The following MCTP1 variants were observed in gnomAD, a reference collection of about 807,000 sequenced individuals.
MCTP1 encodes the protein multiple C2 and transmembrane domain-containing protein 1.
In MCTP1, 69 loss-of-function variants were observed where a neutral mutation model predicts 120.6. That is an observed-to-expected ratio of 0.57 (90% CI 0.47 to 0.70). The LOEUF is 0.70. MCTP1 is among the 30% of genes least tolerant of loss of function. The probability of loss-of-function intolerance (pLI) is 0.00; values close to 1 mark genes in which losing one functional copy is unlikely to be tolerated. For missense variants in MCTP1, 1,203 were observed against 1,248.8 expected (o/e 0.96, Z 0.55); for synonymous variants, 529 against 493.1 (o/e 1.07, Z -0.96).
At chr5:95,035,421 C>T (rs374735204) in intron 1 of MCTP1, among the ~76,000 whole-genome samples, 12 of 152,052 alleles carry the variant, frequency 7.9e-5, no homozygotes, top group African/African-American at 2.9e-4. Context: ...TTTGCAGCAA[C>T]ACGGATGCAG....
chr5:95,095,683 T>A (rs552867063), intron 1 of MCTP1, among the ~76,000 whole-genome samples: 1 of 152,308 alleles, frequency 6.6e-6, no homozygotes, highest in East Asian at 1.9e-4. Context: ...ATTCTTTCAG[T>A]CACTTATATT....
intron 1 of MCTP1, among the ~76,000 whole-genome samples, chr5:95,132,735 C>A (rs1434441772): frequency 1.3e-5 from 2 of 152,220 alleles, no homozygotes; most frequent in Non-Finnish European, 2.9e-5. Flanking sequence ...TTCCTCGGGG[C>A]AGCCTTCTCT....
At chr5:95,064,081 T>A (rs1335352944) in intron 1 of MCTP1, among the ~76,000 whole-genome samples, 5 of 152,246 alleles carry the variant, frequency 3.3e-5, no homozygotes, top group African/African-American at 7.2e-5. Flanking sequence ...CAAACTATAA[T>A]TCGTGTCTTA....
At chr5:94,758,732 C>T (rs1021426149) in intron 19 of MCTP1, among the ~76,000 whole-genome samples, 2 of 152,098 alleles carry the variant, frequency 1.3e-5, no homozygotes. Flanking sequence ...AAGTGACTCC[C>T]ACCTGGATAA....
rs750056838 is a variant in MCTP1, at chr5:95,246,352, G to A, written c.720+37504C>T. Among the ~76,000 whole-genome samples, 78 of 151,970 alleles carry A rather than the reference G, an allele frequency of 5.1e-4. 1 individual carries two copies. Among genetic ancestry groups the A allele is most frequent in the Non-Finnish European group, 8.2e-4 (56 of 67,986 alleles). On this transcript the variant is annotated intron_variant, in intron 1 of 22. Coordinates refer to ENST00000515393, the MANE Select transcript of MCTP1 (RefSeq NM_024717.7). ...ATGTTAACCTTAAATGTAAATGGAC[G>A]AAATGCCCCAATTAAAAGACATAAA...
At chr5:94,724,853 G>T (rs1761778192) in intron 19 of MCTP1, among the ~76,000 whole-genome samples, 1 of 152,046 alleles carries the variant, frequency 6.6e-6, no homozygotes, top group African/African-American at 2.4e-5. Context: ...CAGAAGTTCT[G>T]CTTTCAGATG....
At chr5:95,215,044 C>A (rs1242097465) in intron 1 of MCTP1, among the ~76,000 whole-genome samples, 2 of 152,144 alleles carry the variant, frequency 1.3e-5, no homozygotes, top group Admixed American at 6.5e-5. Context: ...CATCTCAGAT[C>A]AAGAAAGTCT....
intron 1 of MCTP1, among the ~76,000 whole-genome samples, chr5:95,201,502 T>G (rs1164143094): frequency 0.01 from 387 of 37,014 alleles, 22 homozygotes; most frequent in South Asian, 0.05. Flanking sequence ...TTTTTTTTTT[T>G]TTTTTTTTTT....
At position 94,826,832 on chromosome 5, in the gene MCTP1, C is replaced by G. The variant is rs143696545; in HGVS notation, c.2437-27700G>C. 133 of 248,464 alleles carry G rather than the reference C, an allele frequency of 5.4e-4. 2 individuals carry two copies. The East Asian group carries it at 9.2e-3, about 17-fold the overall frequency. The allele number at this position is 248,464 out of a possible 1,614,324, so 15.4% of individuals were successfully genotyped here. ...GCTTTTCATTTGCTTGGTAAATCTT[C>G]CTCCATCCCTTTATTTTGAGCCTGT... is the stretch of plus-strand genomic sequence containing the variant. On this transcript the variant is annotated intron_variant, in intron 17 of 22. Transcript: ENST00000515393.
At chr5:94,716,264 C>T (rs770524565) in intron 19 of MCTP1, among the ~76,000 whole-genome samples, 16 of 152,114 alleles carry the variant, frequency 1.1e-4, no homozygotes, top group African/African-American at 3.1e-4. Context: ...TTAGACGAGA[C>T]GCATAAAGCT....
chr5:95,092,663 CAATTAA>C (rs1755936932), intron 1 of MCTP1, among the ~76,000 whole-genome samples: 1 of 145,992 alleles, frequency 6.8e-6, no homozygotes, highest in South Asian at 2.2e-4. Flanking sequence ...TATTATGAGT[CAATTAA>C]AATTAATAAT....
chr5:95,274,526 C>G (rs1396879086), intron 1 of MCTP1, among the ~76,000 whole-genome samples: 1 of 152,196 alleles, frequency 6.6e-6, no homozygotes, highest in Non-Finnish European at 1.5e-5. Context: ...CTCTCCCTCT[C>G]CATAGGCTCT....
In MCTP1 at chr5:94,894,663, T is replaced by C; in HGVS notation, c.1825A>G (p.Ile609Val). The change falls in exon 11 of 23, where the codon ATA (isoleucine) becomes GTA (valine). Residue 609 changes from isoleucine to valine, a missense_variant. Transcript: ENST00000515393. Reference protein sequence around the residue: ...SLEDQKEREEILKRYSPLRIF... With the variant: ...SLEDQKEREEVLKRYSPLRIF... ...TACATACGTACATATCTCTTTAATA[T>C]CTCCTCTCGTTCCTTCTGGTCCTCC... 6.2e-7 allele frequency: 1 copy of C among 1,604,924 alleles called. No homozygotes were observed. The highest frequency in any genetic ancestry group is 8.5e-7 in the Non-Finnish European group (1 of 1,172,772).
At chr5:94,790,015 A>G (rs1373698336) in intron 18 of MCTP1, among the ~76,000 whole-genome samples, 1 of 152,190 alleles carries the variant, frequency 6.6e-6, no homozygotes, top group Non-Finnish European at 1.5e-5. Context: ...GGAAGATTCA[A>G]TTAGAACAAT....
intron 17 of MCTP1, among the ~76,000 whole-genome samples, chr5:94,864,698 C>T (rs1372723565): frequency 6.6e-6 from 1 of 151,886 alleles, no homozygotes; most frequent in African/African-American, 2.4e-5. Context: ...CAGATGGTAC[C>T]ACAAATTATC....
intron 17 of MCTP1, among the ~76,000 whole-genome samples, chr5:94,845,165 T>C (rs750152331): frequency 7.7e-4 from 117 of 152,274 alleles, no homozygotes; most frequent in Non-Finnish European, 1.4e-3. Context: ...CATACTGCTA[T>C]GAAGATATAC....
intron 18 of MCTP1, chr5:94,792,421 G>A (rs1161009302): frequency 6.6e-6 from 1 of 152,260 alleles, no homozygotes. Context: ...TGCCTTCCCT[G>A]AGCCTGTGGA....
intron 1 of MCTP1, among the ~76,000 whole-genome samples, chr5:95,194,665 A>G (rs1157098503): frequency 1.3e-5 from 2 of 152,184 alleles, no homozygotes; most frequent in Admixed American, 1.3e-4. Context: ...AATGACTCTC[A>G]TGACACCCAC....
intron 13 of MCTP1, among the ~76,000 whole-genome samples, chr5:94,871,811 T>G (rs1797901971): frequency 6.6e-6 from 1 of 152,122 alleles, no homozygotes; most frequent in Admixed American, 6.6e-5. Context: ...CCACCAGGTT[T>G]GATATCAGCA....
Sources: gnomAD v4.1 joint callset for allele counts (sites outside exome capture counted in the v4.1 genomes callset) on GRCh38, gnomAD v4.1.1 for gene constraint, MANE v1.5 for transcripts, NCBI Gene and HGNC (gene_info 2026-07-23, HGNC 2026-07-21) for gene names.